Variants in BPIFA2 observed in about 807,000 individuals in gnomAD.
The protein encoded by BPIFA2 is BPI fold containing family A member 2, also known as BPI fold-containing family A member 2.
In BPIFA2, 20 loss-of-function variants were observed where a neutral mutation model predicts 25.7. That is an observed-to-expected ratio of 0.78 (90% CI 0.55 to 1.13). BPIFA2 has a LOEUF of 1.13. Ranked by LOEUF, BPIFA2 falls within the 50% of genes most tolerant of loss-of-function variation. The pLI, the probability that BPIFA2 is intolerant of heterozygous loss-of-function variation, is 0.00. For missense variants in BPIFA2, 300 were observed against 298.1 expected (o/e 1.01, Z -0.05); for synonymous variants, 126 against 124.3 (o/e 1.01, Z -0.09).
upstream of BPIFA2, among the ~76,000 whole-genome samples, chr20:33,166,935 C>T (rs545037861): frequency 6.6e-6 from 1 of 152,134 alleles, no homozygotes; most frequent in Non-Finnish European, 1.5e-5. Context: ...GGGGCTCAGA[C>T]GTTTGGAGAA....
intron 7 of BPIFA2, among the ~76,000 whole-genome samples, chr20:33,180,226 G>T (rs1372443524): frequency 7.2e-6 from 1 of 138,326 alleles, no homozygotes; most frequent in Non-Finnish European, 1.6e-5. Flanking sequence ...CTCAAAAAAA[G>T]AAAAAAAAAA....
chr20:33,163,208 C>T (rs1332602439), upstream of BPIFA2, among the ~76,000 whole-genome samples: 3 of 152,188 alleles, frequency 2.0e-5, no homozygotes, highest in East Asian at 5.8e-4. Context: ...TCTTGTGATT[C>T]TGGGTCTCAT....
rs747207795 is a variant in BPIFA2 at position 33,169,174 on chromosome 20, T to C, written c.29T>C (p.Leu10Pro). Residue 10 changes from leucine (L) to proline (P), a missense_variant, in exon 2 of 9, where the codon CTG becomes CCG. Coordinates refer to ENST00000354932, the MANE Select transcript of BPIFA2 (RefSeq NM_080574.4). MLQLWKLVL[L>P]CGVLTGTSES... ...CTTCAGCTTTGGAAACTTGTTCTCC[T>C]GTGCGGCGTGCTCACTGGGACCTCA... The C allele has an allele frequency of 1.9e-6, 3 of 1,614,202 alleles. No individual in the cohort carries two copies. The highest frequency in any genetic ancestry group is 1.1e-5 in the South Asian group (1 of 91,090).
intron 8 of BPIFA2, 120 bp downstream of exon 8, chr20:33,180,717 C>T (rs1216347565): frequency 2.6e-5 from 20 of 755,408 alleles, no homozygotes; most frequent in Non-Finnish European, 4.3e-5. Flanking sequence ...TAGATTGAGC[C>T]CTGGCCCCCA....
intron 6 of BPIFA2, 66 bp downstream of exon 6, chr20:33,178,294 C>A: frequency 7.9e-7 from 1 of 1,272,310 alleles, no homozygotes; most frequent in Non-Finnish European, 1.1e-6. Flanking sequence ...AATTTGCAGG[C>A]CTGGCTGTAT....
chr20:33,177,002 G>A (rs528075783), intron 5 of BPIFA2, among the ~76,000 whole-genome samples: 37 of 152,144 alleles, frequency 2.4e-4, no homozygotes, highest in Non-Finnish European at 4.1e-4. Context: ...TAAAGCACTC[G>A]TCACAAGTTC....
In BPIFA2 at chr20:33,178,221, A is replaced by C. The variant is rs775822241; in HGVS notation, c.638A>C (p.Gln213Pro). The C allele has an allele frequency of 3.1e-6, 5 of 1,591,958 alleles. No individual in the cohort carries two copies. The highest frequency in any genetic ancestry group is 4.3e-6 in the Non-Finnish European group (5 of 1,162,302). Residue 213 changes from glutamine to proline, a missense_variant, in exon 6 of 9, where the codon CAG becomes CCG. Coordinates refer to ENST00000354932, the MANE Select transcript of BPIFA2 (RefSeq NM_080574.4). ...TLKSTVSSLL[Q>P]KEICPLIRIF... ...AAAAGCACTGTATCCTCCCTGCTGC[A>C]GAAGGAGGTGAGTCTCCCACTCCTT...
At chr20:33,170,414 A>T (rs552326748) in intron 2 of BPIFA2, among the ~76,000 whole-genome samples, 1 of 152,140 alleles carries the variant, frequency 6.6e-6, no homozygotes, top group African/African-American at 2.4e-5. Flanking sequence ...ATCTATCATG[A>T]CATTTATTAT....
chr20:33,178,038 T>C (rs988253772), intron 5 of BPIFA2, 109 bp from the exon 6 acceptor site: 9 of 698,096 alleles, frequency 1.3e-5, no homozygotes, highest in Admixed American at 1.3e-4. Flanking sequence ...TCCATGTCCC[T>C]GGGGTTTATC....
chr20:33,169,169 TCTC>T lies in BPIFA2; in HGVS notation c.27_29del (p.Leu10del). ...AGATGCTTCAGCTTTGGAAACTTGT[TCTC>T]CTGTGCGGCGTGCTCACTGGGACCT... On this transcript the variant is annotated inframe_deletion, in exon 2 of 9. Transcript: ENST00000354932. The T allele has an allele frequency of 3.7e-6, 6 of 1,614,152 alleles. No individual in the cohort carries two copies. The highest frequency in any genetic ancestry group is 5.1e-6 in the Non-Finnish European group (6 of 1,179,986).
chr20:33,170,732 A>C (rs1171634748), intron 2 of BPIFA2, among the ~76,000 whole-genome samples: 1 of 152,186 alleles, frequency 6.6e-6, no homozygotes, highest in Non-Finnish European at 1.5e-5. Context: ...CCAGAGACCT[A>C]TCATAAAGAC....
chr20:33,177,107 C>A (rs1490452340), intron 5 of BPIFA2, among the ~76,000 whole-genome samples: 1 of 152,194 alleles, frequency 6.6e-6, no homozygotes, highest in Non-Finnish European at 1.5e-5. Context: ...GTAATCCCAG[C>A]ACTTTGGGAG....
chr20:33,180,703 G>A (rs1984249451), intron 8 of BPIFA2, 106 bp downstream of exon 8: 2 of 875,436 alleles, frequency 2.3e-6, no homozygotes, highest in Admixed American at 2.3e-5. Context: ...CTTCATCTCA[G>A]TCATAGATTG....
At chr20:33,170,118 A>G (rs1278296439) in intron 2 of BPIFA2, among the ~76,000 whole-genome samples, 1 of 152,218 alleles carries the variant, frequency 6.6e-6, no homozygotes, top group Non-Finnish European at 1.5e-5. Context: ...CACAGCTGAG[A>G]AAACTGAGGC....
At chr20:33,173,205 G>A in intron 3 of BPIFA2, 129 bp downstream of exon 3, 1 of 1,157,726 alleles carries the variant, frequency 8.6e-7, no homozygotes, top group Non-Finnish European at 1.2e-6. Context: ...AAGGTGGTCT[G>A]AGCAAGGCCA....
intron 3 of BPIFA2, 100 bp from the exon 4 acceptor site, chr20:33,173,979 C>CT: frequency 1.1e-6 from 1 of 905,318 alleles, no homozygotes; most frequent in Admixed American, 1.8e-5. Context: ...GAAGGCAAGG[C>CT]TGACGAGACC....
Position 33,169,200 on chromosome 20 carries a change from G to A in BPIFA2, c.55G>A (p.Glu19Lys), listed in dbSNP as rs762707397. 24 of 1,613,978 alleles carry A rather than the reference G, an allele frequency of 1.5e-5. No homozygotes were observed. ...GTGCGGCGTGCTCACTGGGACCTCA[G>A]AGTCTCTTCTTGACAATCTTGGCAA... ...LLCGVLTGTS[E>K]SLLDNLGNDL... Residue 19 changes from glutamate (E) to lysine (K), a missense_variant, in exon 2 of 9, where the codon GAG becomes AAG. Glu to Lys is a moderately conservative substitution (Grantham distance 56, BLOSUM62 1). Coordinates refer to ENST00000354932, the MANE Select transcript of BPIFA2 (RefSeq NM_080574.4).
Position 33,169,199 on chromosome 20 carries a change from A to C in BPIFA2, c.54A>C (p.Ser18=). Residue 18 remains serine (S), a synonymous_variant, in exon 2 of 9, where the codon TCA becomes TCC. Coordinates refer to ENST00000354932, the MANE Select transcript of BPIFA2 (RefSeq NM_080574.4). ...TGTGCGGCGTGCTCACTGGGACCTC[A>C]GAGTCTCTTCTTGACAATCTTGGCA... ...VLLCGVLTGT[S]ESLLDNLGND... is the part of the protein sequence containing the mutation. The C allele has an allele frequency of 6.2e-7, 1 of 1,614,112 alleles. No homozygotes were observed. Among genetic ancestry groups the C allele is most frequent in the Non-Finnish European group, 8.5e-7 (1 of 1,179,958 alleles).
chr20:33,179,533 C>A, intron 6 of BPIFA2, 71 bp from the exon 7 acceptor site: 1 of 1,344,350 alleles, frequency 7.4e-7, no homozygotes, highest in Non-Finnish European at 1.1e-6. Context: ...GCAATTTGTT[C>A]TCAGCTGAGA....
Sources: gnomAD v4.1 joint callset for allele counts (sites outside exome capture counted in the v4.1 genomes callset) on GRCh38, gnomAD v4.1.1 for gene constraint, MANE v1.5 for transcripts, NCBI Gene and HGNC (gene_info 2026-07-23, HGNC 2026-07-21) for gene names.